KCTD1: variants seen among roughly 807,000 people sequenced by gnomAD.
The protein encoded by KCTD1 is BTB/POZ domain-containing protein KCTD1.
KCTD1 carries 24 observed loss-of-function variants against 66.0 expected under a neutral mutation model. The ratio of observed to expected loss-of-function variants is 0.36; its 90% CI spans 0.26 to 0.51. KCTD1 has a LOEUF of 0.51. KCTD1 is among the 20% of genes least tolerant of loss of function. KCTD1 has a pLI of 0.95. For synonymous variants in KCTD1, 511 were observed against 517.2 expected (o/e 0.99, Z 0.16); for missense variants, 943 against 1,205.2 (o/e 0.78, Z 3.22).
chr18:26,483,747 ATGTG>A (rs146149128), intron 2 of KCTD1, among the ~76,000 whole-genome samples: 1,804 of 150,408 alleles, frequency 0.012, 8 homozygotes, highest in Middle Eastern at 0.027. Flanking sequence ...CACAACGGAG[ATGTG>A]TGTGTGTGTG....
intron 1 of KCTD1, among the ~76,000 whole-genome samples, chr18:26,583,537 ATG>A (rs1352867580): frequency 2.0e-5 from 3 of 152,184 alleles, no homozygotes; most frequent in Admixed American, 2.0e-4. Context: ...ATCTGGCTTC[ATG>A]TGTGACATTA....
chr18:26,593,481 G>A (rs1283803078), intron 1 of KCTD1, among the ~76,000 whole-genome samples: 24 of 128,452 alleles, frequency 1.9e-4, no homozygotes, highest in Non-Finnish European at 3.1e-4. Flanking sequence ...GAAGGAGGAG[G>A]AAGAAGACAA....
At chr18:26,563,210 C>T (rs1345336315) in intron 1 of KCTD1, among the ~76,000 whole-genome samples, 1 of 152,166 alleles carries the variant, frequency 6.6e-6, no homozygotes, top group African/African-American at 2.4e-5. Context: ...GGAGGCAGCA[C>T]CACCCACAGG....
At chr18:26,631,258 G>T (rs992902334), upstream of KCTD1, among the ~76,000 whole-genome samples, 73 of 152,180 alleles carry the variant, frequency 4.8e-4, 4 homozygotes. Context: ...ATGGAGATAT[G>T]TTCTGAGAAA....
chr18:26,509,618 GTC>G (rs1983231951), intron 1 of KCTD1, among the ~76,000 whole-genome samples: 1 of 152,080 alleles, frequency 6.6e-6, no homozygotes, highest in Non-Finnish European at 1.5e-5. Context: ...CTAAAATTAA[GTC>G]ATCCAAAGAT....
chr18:26,472,222 A>G (rs1981106741), intron 3 of KCTD1, among the ~76,000 whole-genome samples: 1 of 152,148 alleles, frequency 6.6e-6, no homozygotes, highest in Non-Finnish European at 1.5e-5. Context: ...CTGGGTCGGC[A>G]TTTGGAAATG....
In KCTD1 at chr18:26,475,720, T is replaced by C. The variant is rs547664273; in HGVS notation, c.2133+795A>G. On this transcript the variant is annotated intron_variant, in intron 3 of 4. Coordinates refer to ENST00000580059, the MANE Select transcript of KCTD1 (RefSeq NM_001142730.3). ...ATGAAAAATTAGCTAGGCGTGGTGG[T>C]GGGCAGCTGTAATCCCAGCTACTCG... Among the ~76,000 whole-genome samples, 42 of 152,054 alleles carry C rather than the reference T, an allele frequency of 2.8e-4. 1 individual carries two copies. The South Asian group carries it at 7.9e-3, about 29-fold the overall frequency.
At chr18:26,657,388 C>G in exon 1 of KCTD1, 1 of 985,730 alleles carries the variant, frequency 1.0e-6, no homozygotes. Context: ...AAGTCTCTCT[C>G]CAAGTCCCCT....
intron 1 of KCTD1, among the ~76,000 whole-genome samples, chr18:26,572,766 T>C (rs1270930611): frequency 2.0e-5 from 3 of 152,204 alleles, no homozygotes; most frequent in Non-Finnish European, 4.4e-5. Flanking sequence ...AATTAGACCA[T>C]GAGCTAGGTG....
chr18:26,458,221 A>G (rs4084150), intron 4 of KCTD1: 3,349 of 152,338 alleles, frequency 0.022, 56 homozygotes, highest in Middle Eastern at 0.075. Flanking sequence ...GCCTTCCGCT[A>G]GCATGCTTAG....
intron 1 of KCTD1, among the ~76,000 whole-genome samples, chr18:26,516,811 G>A (rs976839541): frequency 6.6e-6 from 1 of 152,202 alleles, no homozygotes; most frequent in Admixed American, 6.5e-5. Context: ...TTTCCAGTAA[G>A]TGACCTCAGT....
At chr18:26,623,916 G>A (rs1050516209) in intron 1 of KCTD1, among the ~76,000 whole-genome samples, 9 of 152,210 alleles carry the variant, frequency 5.9e-5, no homozygotes, top group Non-Finnish European at 1.2e-4. Context: ...TAGAGACATG[G>A]TGAATGGCTT....
rs1490931531 is a variant in KCTD1, at chr18:26,546,491, C to T, written c.1809+237G>A. Among the ~76,000 whole-genome samples the T allele has an allele frequency of 2.0e-5, 3 of 152,308 alleles. No individual in the cohort carries two copies. In the East Asian group the frequency reaches 5.8e-4, roughly 29 times the overall value. ...TTCGGCGAACTTTGAAGTTTTTCGC[C>T]TTACTGCACAGCAGTGATTTGTTAG... is the stretch of plus-strand genomic sequence containing the variant. On this transcript the variant is annotated intron_variant, in intron 1 of 4. Coordinates refer to ENST00000580059, the MANE Select transcript of KCTD1 (RefSeq NM_001142730.3).
chr18:26,515,041 C>G (rs936121244), intron 1 of KCTD1, among the ~76,000 whole-genome samples: 1 of 152,176 alleles, frequency 6.6e-6, no homozygotes, highest in Non-Finnish European at 1.5e-5. Flanking sequence ...AATTTTCACA[C>G]TGTAAAGGAG....
chr18:26,618,649 C>T (rs1316172327), intron 1 of KCTD1, among the ~76,000 whole-genome samples: 1 of 152,204 alleles, frequency 6.6e-6, no homozygotes, highest in Non-Finnish European at 1.5e-5. Context: ...ACTCGATGTG[C>T]TGCAAATCCA....
At chr18:26,656,060 G>T (rs1020184444) in intron 1 of KCTD1, among the ~76,000 whole-genome samples, 43 of 152,182 alleles carry the variant, frequency 2.8e-4, no homozygotes, top group Admixed American at 2.2e-3. Flanking sequence ...GGCAGTTGGG[G>T]GGGCGGAGGA....
At chr18:26,551,684 AAC>A (rs1985572572), upstream of KCTD1, among the ~76,000 whole-genome samples, 1 of 152,216 alleles carries the variant, frequency 6.6e-6, no homozygotes, top group Admixed American at 6.5e-5. Context: ...AAAACCCAAT[AAC>A]ACAAAATTAC....
intron 1 of KCTD1, among the ~76,000 whole-genome samples, chr18:26,579,674 C>G (rs978370647): frequency 6.6e-5 from 10 of 152,160 alleles, no homozygotes; most frequent in Non-Finnish European, 1.0e-4. Context: ...ATCAAATTTT[C>G]ATATTTTTAT....
At chr18:26,497,763 A>G (rs1414275315) in intron 2 of KCTD1, among the ~76,000 whole-genome samples, 1 of 152,202 alleles carries the variant, frequency 6.6e-6, no homozygotes, top group Non-Finnish European at 1.5e-5. Context: ...GTTACTTTGT[A>G]AGGCTTGTTT....
Sources: gnomAD v4.1 joint callset for allele counts (sites outside exome capture counted in the v4.1 genomes callset) on GRCh38, gnomAD v4.1.1 for gene constraint, MANE v1.5 for transcripts, NCBI Gene and HGNC (gene_info 2026-07-23, HGNC 2026-07-21) for gene names.